Variants in C7orf33 observed in about 807,000 individuals in gnomAD.
C7orf33 encodes the protein chromosome 7 open reading frame 33.
A neutral mutation model predicts 13.4 loss-of-function variants in C7orf33; 15 were observed. The observed-to-expected ratio is 1.12, with a 90% CI of 0.75 to 1.72. The LOEUF is 1.72. C7orf33 is among the 40% of genes most tolerant of loss of function. The pLI is 0.00. For missense variants in C7orf33, 187 were observed against 220.3 expected, an observed-to-expected ratio of 0.85 and a Z score of 0.96; for synonymous variants, 73 against 83.2, an observed-to-expected ratio of 0.88 and a Z score of 0.67.
intron 1 of C7orf33, among the ~76,000 whole-genome samples, chr7:148,592,903 C>T (rs755494342): frequency 2.2e-4 from 33 of 151,980 alleles, no homozygotes; most frequent in East Asian, 1.9e-4. Context: ...TGCAATGGCA[C>T]GATCTCAGCT....
intron 1 of C7orf33, among the ~76,000 whole-genome samples, chr7:148,606,931 A>ATACACACACACACACACAC (rs1554449216): frequency 5.0e-5 from 1 of 20,160 alleles, no homozygotes; most frequent in African/African-American, 7.7e-5. Context: ...TTAAAAAAAA[A>ATACACACACACACACACAC]ATACACACAC....
At chr7:148,600,184 C>T (rs1585458730) in intron 1 of C7orf33, among the ~76,000 whole-genome samples, 2 of 152,134 alleles carry the variant, frequency 1.3e-5, no homozygotes, top group South Asian at 2.1e-4. Flanking sequence ...AAAATAGGCC[C>T]AGAGCTGGGC....
intron 1 of C7orf33, among the ~76,000 whole-genome samples, chr7:148,611,084 A>C (rs1410765656): frequency 6.6e-6 from 1 of 152,072 alleles, no homozygotes; most frequent in Non-Finnish European, 1.5e-5. Context: ...TCCTTGCCAG[A>C]CTGTAGGTGG....
At chr7:148,605,294 A>G (rs1460521861) in intron 1 of C7orf33, among the ~76,000 whole-genome samples, 1 of 152,234 alleles carries the variant, frequency 6.6e-6, no homozygotes, top group Non-Finnish European at 1.5e-5. Flanking sequence ...AGTGAGCAAT[A>G]GTGACCTACC....
intron 1 of C7orf33, among the ~76,000 whole-genome samples, chr7:148,594,621 C>A (rs532146182): frequency 2.0e-3 from 306 of 152,254 alleles, no homozygotes; most frequent in Non-Finnish European, 3.3e-3. Flanking sequence ...GAACAGTTAT[C>A]ATTTCATTTG....
chr7:148,590,961 G>A lies in C7orf33; in HGVS notation c.36G>A (p.Glu12=). The A allele has an allele frequency of 1.2e-6, 2 of 1,614,178 alleles. No homozygotes were observed. Among genetic ancestry groups the A allele is most frequent in the South Asian group, 1.1e-5 (1 of 91,080 alleles). Residue 12 remains glutamate, a synonymous_variant, in exon 1 of 3, where the codon GAG becomes GAA. Coordinates refer to ENST00000307003, the MANE Select transcript of C7orf33 (RefSeq NM_145304.4). The part of the protein sequence containing the change: ...QVEVQSLSLE[E]CPWRLPGPQC... Reference sequence around the variant, plus strand: ...AAGTTCAAAGCCTCAGCCTTGAAGAGTGTCCCTGGAGACTTCCAGGCCCCC... The same window carrying A: ...AAGTTCAAAGCCTCAGCCTTGAAGAATGTCCCTGGAGACTTCCAGGCCCCC...
At chr7:148,609,076 C>A (rs1056489001) in intron 1 of C7orf33, among the ~76,000 whole-genome samples, 21 of 147,358 alleles carry the variant, frequency 1.4e-4, no homozygotes, top group Non-Finnish European at 2.1e-4. Context: ...ATAGAAAATA[C>A]CTTTCACGTT....
At chr7:148,597,374 C>T (rs192757126) in intron 1 of C7orf33, among the ~76,000 whole-genome samples, 35 of 152,126 alleles carry the variant, frequency 2.3e-4, no homozygotes, top group African/African-American at 7.0e-4. Context: ...CTATGCCTCC[C>T]GAGTTCAAGT....
intron 1 of C7orf33, among the ~76,000 whole-genome samples, chr7:148,607,957 T>A (rs933542121): frequency 1.3e-5 from 2 of 152,174 alleles, no homozygotes; most frequent in Non-Finnish European, 2.9e-5. Flanking sequence ...AGGTGCCCGA[T>A]AAAATGGCCT....
chr7:148,607,209 G>A (rs969886027), intron 1 of C7orf33, among the ~76,000 whole-genome samples: 15 of 152,286 alleles, frequency 9.8e-5, no homozygotes, highest in Admixed American at 2.0e-4. Context: ...GCAGATAAAA[G>A]CGAGTTGGTA....
intron 1 of C7orf33, among the ~76,000 whole-genome samples, chr7:148,597,468 A>T (rs1160431435): frequency 6.6e-6 from 1 of 151,848 alleles, no homozygotes; most frequent in Non-Finnish European, 1.5e-5. Flanking sequence ...TTTTAATAGC[A>T]ATGGGGTTTT....
chr7:148,594,207 G>A lies in C7orf33; in HGVS notation c.204+3078G>A, dbSNP rs890752710. ...TTTTTTTTTCTGAGACAGAGTCTTCGCTCTGTCGCCCAGGCTGGAGTGCAG... is the reference window on the plus strand; with the variant it reads ...TTTTTTTTTCTGAGACAGAGTCTTCACTCTGTCGCCCAGGCTGGAGTGCAG... On this transcript the variant is annotated intron_variant, in intron 1 of 2. Transcript: ENST00000307003. Among the ~76,000 whole-genome samples, 20 of 134,836 alleles carry A rather than the reference G, an allele frequency of 1.5e-4. No homozygotes were observed. In the Admixed American group the frequency reaches 1.6e-3, roughly 11 times the overall value. The allele number at this position is 134,836 out of a possible 152,430, so 88.5% of individuals were successfully genotyped here.
chr7:148,593,589 C>A (rs1796293494), intron 1 of C7orf33, among the ~76,000 whole-genome samples: 1 of 152,156 alleles, frequency 6.6e-6, no homozygotes, highest in Non-Finnish European at 1.5e-5. Context: ...TAGAGAATCT[C>A]TATTGCCTTC....
chr7:148,612,375 C>T (rs887826392), intron 1 of C7orf33, among the ~76,000 whole-genome samples: 2 of 152,052 alleles, frequency 1.3e-5, no homozygotes, highest in African/African-American at 4.8e-5. Context: ...TGGAACTATA[C>T]AAATGACAAA....
intron 1 of C7orf33, among the ~76,000 whole-genome samples, chr7:148,606,458 G>T (rs559361101): frequency 6.6e-6 from 1 of 152,252 alleles, no homozygotes; most frequent in South Asian, 2.1e-4. Context: ...TGATGCTGAA[G>T]TTGGTAGCCC....
Position 148,615,464 on chromosome 7 carries a change from C to G in C7orf33, c.*63C>G. 1 of 1,063,846 alleles carries G rather than the reference C, an allele frequency of 9.4e-7. No individual in the cohort carries two copies. Among genetic ancestry groups the G allele is most frequent in the Non-Finnish European group, 1.4e-6 (1 of 692,070 alleles). The allele number at this position is 1,063,846 out of a possible 1,614,324, so 65.9% of individuals were successfully genotyped here. A position where few individuals can be genotyped will look rare whatever the true frequency, so the allele number is the denominator to read the frequency against. ...GTGTAGATTGTGAAATCTCTTCTTGCAAGAAAAAAGAGAAATAGCTGAAGT... is the reference window on the plus strand; with the variant it reads ...GTGTAGATTGTGAAATCTCTTCTTGGAAGAAAAAAGAGAAATAGCTGAAGT... On this transcript the variant is annotated 3_prime_UTR_variant, in exon 3 of 3. Transcript: ENST00000307003.
At chr7:148,604,524 G>T (rs1796451746) in intron 1 of C7orf33, among the ~76,000 whole-genome samples, 1 of 152,174 alleles carries the variant, frequency 6.6e-6, no homozygotes, top group African/African-American at 2.4e-5. Context: ...GGATGCAAAG[G>T]CATAGTGATA....
chr7:148,606,989 A>C (rs1305909866), intron 1 of C7orf33, among the ~76,000 whole-genome samples: 1 of 150,424 alleles, frequency 6.6e-6, no homozygotes, highest in Non-Finnish European at 1.5e-5. Flanking sequence ...ATTTACATGT[A>C]TATTTCACAT....
At chr7:148,614,399 A>G in intron 2 of C7orf33, 103 bp downstream of exon 2, 4 of 1,246,490 alleles carry the variant, frequency 3.2e-6, no homozygotes, top group Non-Finnish European at 4.5e-6. Flanking sequence ...GCATTCTTGC[A>G]TGCCTGGATG....
Sources: allele counts gnomAD v4.1 joint callset (sites outside exome capture counted in the v4.1 genomes callset), GRCh38; gene constraint gnomAD v4.1.1; transcripts MANE v1.5; gene names NCBI Gene and HGNC (gene_info 2026-07-23, HGNC 2026-07-21).